Variants in LEMD2 observed in about 807,000 individuals in gnomAD.
The protein encoded by LEMD2 is LEM domain-containing protein 2.
Under a neutral mutation model 58.8 loss-of-function variants are expected in LEMD2, and 34 were observed. The ratio of observed to expected loss-of-function variants is 0.58; its 90% CI spans 0.44 to 0.77. LEMD2 has a LOEUF of 0.77. Among genes scored for constraint, LEMD2 ranks in the 30% least tolerant of loss-of-function variants. LEMD2 has a pLI of 0.00. For missense variants in LEMD2, 629 were observed against 717.9 expected (o/e 0.88, Z 1.42); for synonymous variants, 298 against 308.9 (o/e 0.96, Z 0.37).
At chr6:33,784,721 C>T (rs772851722) in intron 2 of LEMD2, 45 of 323,070 alleles carry the variant, frequency 1.4e-4, no homozygotes, top group Non-Finnish European at 2.1e-4. Context: ...CTTGGAATGA[C>T]GGCCATTAAG....
chr6:33,787,603 A>C (rs896934189), intron 1 of LEMD2, among the ~76,000 whole-genome samples: 1 of 152,250 alleles, frequency 6.6e-6, no homozygotes, highest in Non-Finnish European at 1.5e-5. Flanking sequence ...GTGGCCCTTT[A>C]TACCTAAATG....
Position 33,772,605 on chromosome 6 carries a change from G to A in LEMD2, c.*23C>T, listed in dbSNP as rs2296744. On this transcript the variant is annotated 3_prime_UTR_variant, in exon 9 of 9. Coordinates refer to ENST00000293760, the MANE Select transcript of LEMD2 (RefSeq NM_181336.4). ...TGGGCTGTCCTGGGACAGGCTGACC[G>A]GGAACAAGTCCCCGCCCGGGGCTTA... The A allele has an allele frequency of 0.53, 857,664 of 1,604,308 alleles. 235,811 individuals are homozygous for A. Among genetic ancestry groups the A allele is most frequent in the East Asian group, 0.79 (35,496 of 44,756 alleles).
Position 33,771,464 on chromosome 6 carries a change from G to T in LEMD2, c.*1164C>A. ...GTAAGACTAGAGAGGGGTGGTTAAT[G>T]TTTCTGGAGGCAGCTGTGGAATTTC... is the stretch of plus-strand genomic sequence containing the variant. On this transcript the variant is annotated 3_prime_UTR_variant, in exon 9 of 9. Transcript: ENST00000293760. 1 of 152,380 alleles carries T rather than the reference G, an allele frequency of 6.6e-6. No individual in the cohort carries two copies. The highest frequency in any genetic ancestry group is 1.5e-5 in the Non-Finnish European group (1 of 68,034). 9.4% of individuals were successfully genotyped at this position (152,380 alleles called of 1,614,324 possible).
chr6:33,788,668 C>T lies in LEMD2; in HGVS notation c.449G>A (p.Arg150Lys). 2.3e-6 allele frequency: 3 copies of T among 1,328,124 alleles called. No individual in the cohort carries two copies. The highest frequency in any genetic ancestry group is 2.9e-6 in the Non-Finnish European group (3 of 1,039,866). 82.3% of individuals were successfully genotyped at this position (1,328,124 alleles called of 1,614,324 possible). ...EEDEDARTPD[R>K]ATQGPGLAAR... Reference sequence around the variant, plus strand: ...CGCGAGACCCGGGCCCTGCGTGGCCCTGTCGGGCGTCCGGGCGTCCTCGTC... The same window carrying T: ...CGCGAGACCCGGGCCCTGCGTGGCCTTGTCGGGCGTCCGGGCGTCCTCGTC... Residue 150 changes from arginine (R) to lysine (K), a missense_variant, in exon 1 of 9, where the codon AGG becomes AAG. Physicochemically the swap from Arg to Lys is conservative, Grantham distance 26. Coordinates refer to ENST00000293760, the MANE Select transcript of LEMD2 (RefSeq NM_181336.4).
intron 4 of LEMD2, chr6:33,780,447 T>C (rs773264767): frequency 6.2e-5 from 31 of 498,868 alleles, no homozygotes; most frequent in African/African-American, 4.1e-4. Flanking sequence ...CTCTCGAGGA[T>C]GGAAGCATCA....
chr6:33,781,100 T>C lies in LEMD2; in HGVS notation c.907A>G (p.Met303Val). 1 of 1,613,276 alleles carries C rather than the reference T, an allele frequency of 6.2e-7. No homozygotes were observed. Among genetic ancestry groups the C allele is most frequent in the Non-Finnish European group, 8.5e-7 (1 of 1,179,372 alleles). The stretch of plus-strand genomic sequence containing the variant: ...ACGGCTATATATTCTTGGGCTTCCA[T>C]AACAGGAATGCATTTGCTTTTTAGA... ...ENLKSKCIPV[M>V]EAQEYIANVT... The change falls in exon 4 of 9, where the codon ATG becomes GTG. Residue 303 changes from methionine to valine, a missense_variant. Physicochemically the swap from Met to Val is conservative, Grantham distance 21 (BLOSUM62 1). Around this residue, in one of 2 missense-constraint regions of LEMD2, gnomAD observed 243 missense variants for 336.8 expected, o/e 0.72. Transcript: ENST00000293760.
intron 6 of LEMD2, among the ~76,000 whole-genome samples, chr6:33,777,566 T>A (rs57657732): frequency 2.0e-5 from 3 of 152,132 alleles, no homozygotes; most frequent in African/African-American, 7.2e-5. Context: ...CATATATACA[T>A]GCCGGGGCCC....
At chr6:33,773,107 C>T (rs927635249) in intron 8 of LEMD2, among the ~76,000 whole-genome samples, 1 of 152,172 alleles carries the variant, frequency 6.6e-6, no homozygotes, top group Non-Finnish European at 1.5e-5. Flanking sequence ...GCAGCCCTTG[C>T]CAAGCCAGTT....
rs2127384301 is a variant in LEMD2 at position 33,788,576 on chromosome 6, G to A, written c.541C>T (p.Pro181Ser). ...RLPSSLLGPD[P>S]RPGLRATRAG... is the part of the protein sequence containing the mutation. Reference sequence around the variant, plus strand: ...CGAGTCGCCCGCAGGCCCGGGCGCGGGTCGGGACCGAGGAGGGAGGAAGGC... The same window carrying A: ...CGAGTCGCCCGCAGGCCCGGGCGCGAGTCGGGACCGAGGAGGGAGGAAGGC... The change falls in exon 1 of 9, where the codon CCG becomes TCG. Residue 181 changes from proline (P) to serine (S), a missense_variant. Transcript: ENST00000293760. 1 of 1,354,298 alleles carries A rather than the reference G, an allele frequency of 7.4e-7. No individual in the cohort carries two copies. Among genetic ancestry groups the A allele is most frequent in the Non-Finnish European group, 9.4e-7 (1 of 1,058,264 alleles). 83.9% of individuals were successfully genotyped at this position (1,354,298 alleles called of 1,614,324 possible).
At chr6:33,786,896 A>T in intron 1 of LEMD2, 122 bp from the exon 2 acceptor site, 1 of 1,507,616 alleles carries the variant, frequency 6.6e-7, no homozygotes, top group Non-Finnish European at 8.9e-7. Flanking sequence ...GGGGATTAGA[A>T]AGATGTCATC....
chr6:33,778,629 T>C lies in LEMD2; in HGVS notation c.1011-242A>G. 1.1e-5 allele frequency: 4 copies of C among 362,100 alleles called. No homozygotes were observed. Among genetic ancestry groups the C allele is most frequent in the East Asian group, 8.2e-5 (2 of 24,506 alleles). 22.4% of individuals were successfully genotyped at this position (362,100 alleles called of 1,614,324 possible). ...CCCTACCGCTAAAGCAACGTCCCCC[T>C]GTCAGGTCTTTGACAGCCTCTCTCA... On this transcript the variant is annotated intron_variant, in intron 5 of 8. Coordinates refer to ENST00000293760, the MANE Select transcript of LEMD2 (RefSeq NM_181336.4). The surrounding 1 kb of genome is among the most constrained non-coding windows in gnomAD (Gnocchi z 4.7).
rs576489922 is a variant in LEMD2 at position 33,774,387 on chromosome 6, G to C, written c.1362-1609C>G. 6.7e-5 allele frequency among the ~76,000 whole-genome samples: 10 copies of C among 149,642 alleles called. 1 individual carries two copies. In the East Asian group the frequency reaches 2.0e-3, roughly 29 times the overall value. ...GGGTTTCACCACATTGGCCAGGCTG[G>C]TCTCAAACTCCTGACCTTGTGATCT... On this transcript the variant is annotated intron_variant, in intron 8 of 8. Transcript: ENST00000293760.
intron 6 of LEMD2, among the ~76,000 whole-genome samples, chr6:33,777,561 A>G (rs529520043): frequency 2.0e-5 from 3 of 152,260 alleles, no homozygotes; most frequent in South Asian, 2.1e-4. Flanking sequence ...TCATACATAT[A>G]TACATGCCGG....
At chr6:33,772,848 A>G in intron 8 of LEMD2, 70 bp from the exon 9 acceptor site, 2 of 1,395,648 alleles carry the variant, frequency 1.4e-6, no homozygotes, top group Non-Finnish European at 2.0e-6. Flanking sequence ...CCCCTCCTAC[A>G]AAGGGCACAC....
rs1253462156 is a variant in LEMD2, at chr6:33,771,455, G to A, written c.*1173C>T. 6.6e-6 allele frequency: 1 copy of A among 152,260 alleles called. No homozygotes were observed. Among genetic ancestry groups the A allele is most frequent in the African/African-American group, 2.4e-5 (1 of 41,468 alleles). The allele number at this position is 152,260 out of a possible 1,614,324, so 9.4% of individuals were successfully genotyped here. A position where few individuals can be genotyped will look rare whatever the true frequency, so the allele number is the denominator to read the frequency against. ...AAAATACCAGTAAGACTAGAGAGGG[G>A]TGGTTAATGTTTCTGGAGGCAGCTG... On this transcript the variant is annotated 3_prime_UTR_variant, in exon 9 of 9. Transcript: ENST00000293760.
chr6:33,788,613 G>T lies in LEMD2; in HGVS notation c.504C>A (p.Ala168=). 7.8e-7 allele frequency: 1 copy of T among 1,274,752 alleles called. No individual in the cohort carries two copies. The highest frequency in any genetic ancestry group is 2.9e-4 in the Middle Eastern group (1 of 3,404). The allele number at this position is 1,274,752 out of a possible 1,614,324, so 79.0% of individuals were successfully genotyped here. ...GGAGGGAGGAAGGCAGCCGCGCCGGGGCGGGAGACGCTGCCCACCAGCGGC... is the reference window on the plus strand; with the variant it reads ...GGAGGGAGGAAGGCAGCCGCGCCGGTGCGGGAGACGCTGCCCACCAGCGGC... ...AARRWWAASP[A]PARLPSSLLG... Residue 168 remains alanine, a synonymous_variant, in exon 1 of 9, where the codon GCC becomes GCA. Coordinates refer to ENST00000293760, the MANE Select transcript of LEMD2 (RefSeq NM_181336.4).
chr6:33,781,742 C>T (rs1767569718), intron 3 of LEMD2: 1 of 152,650 alleles, frequency 6.6e-6, no homozygotes, highest in Admixed American at 6.5e-5. Flanking sequence ...CTCCCCGGTC[C>T]AGCCCAGGGG....
chr6:33,784,123 C>A (rs1434105705), intron 3 of LEMD2, among the ~76,000 whole-genome samples: 2 of 152,230 alleles, frequency 1.3e-5, no homozygotes, highest in Non-Finnish European at 2.9e-5. Flanking sequence ...GCCAGGACCT[C>A]CCTTAAAGAG....
At chr6:33,777,322 C>T in intron 6 of LEMD2, 83 bp from the exon 7 acceptor site, 1 of 952,970 alleles carries the variant, frequency 1.0e-6, no homozygotes, top group Non-Finnish European at 1.7e-6. Context: ...GTGATGGATG[C>T]TGTGGGGGAT....
Sources: allele counts gnomAD v4.1 joint callset (sites outside exome capture counted in the v4.1 genomes callset), GRCh38; gene constraint gnomAD v4.1.1; regional missense constraint gnomAD v4.1.1; non-coding constraint Gnocchi (gnomAD v3.1); transcripts MANE v1.5; gene names NCBI Gene and HGNC (gene_info 2026-07-23, HGNC 2026-07-21).